The following POU6F2 variants were observed in gnomAD, a reference collection of about 807,000 sequenced individuals.
POU6F2 encodes POU domain, class 6, transcription factor 2.
POU6F2 carries 31 observed loss-of-function variants against 71.3 expected under a neutral mutation model. The ratio of observed to expected loss-of-function variants is 0.43; its 90% CI spans 0.33 to 0.59. POU6F2 has a LOEUF of 0.59. POU6F2 is among the 20% of genes least tolerant of loss of function. The probability of loss-of-function intolerance (pLI) is 0.04; values close to 1 mark genes in which losing one functional copy is unlikely to be tolerated. For missense variants in POU6F2, 783 were observed against 856.8 expected, an observed-to-expected ratio of 0.91 and a Z score of 1.07; for synonymous variants, 347 against 355.7, an observed-to-expected ratio of 0.98 and a Z score of 0.27.
chr7:39,378,105 TG>T (rs1268298981), intron 5 of POU6F2, among the ~76,000 whole-genome samples: 1 of 152,208 alleles, frequency 6.6e-6, no homozygotes, highest in Non-Finnish European at 1.5e-5. Flanking sequence ...CAGGTTTTGA[TG>T]GCATCTGAAG....
chr7:39,025,838 G>T (rs960036971), intron 1 of POU6F2, among the ~76,000 whole-genome samples: 3 of 151,220 alleles, frequency 2.0e-5, no homozygotes, highest in Admixed American at 2.0e-4. Context: ...GAAAATTTTC[G>T]CAACCTACTC....
intron 4 of POU6F2, among the ~76,000 whole-genome samples, chr7:39,323,271 A>T (rs941293796): frequency 6.6e-6 from 1 of 152,180 alleles, no homozygotes; most frequent in Non-Finnish European, 1.5e-5. Flanking sequence ...GCTGCCATGG[A>T]TCCCAGCAAG....
Position 39,170,161 on chromosome 7 carries a change from C to G in POU6F2, c.278-34074C>G, listed in dbSNP as rs557341367. On this transcript the variant is annotated intron_variant, in intron 2 of 9. Coordinates refer to ENST00000518318, the MANE Select transcript of POU6F2 (RefSeq NM_001370959.1). ...CCAGCCTGGGCAACAGAGCGAGATT[C>G]TGTCTCAAAAAATAATAATAATAAA... is the stretch of plus-strand genomic sequence containing the variant. Among the ~76,000 whole-genome samples, 5 of 152,204 alleles carry G rather than the reference C, an allele frequency of 3.3e-5. No homozygotes were observed. The South Asian group carries it at 1.0e-3, about 32-fold the overall frequency.
At chr7:39,240,687 A>G (rs1159412921) in intron 4 of POU6F2, among the ~76,000 whole-genome samples, 1 of 152,134 alleles carries the variant, frequency 6.6e-6, no homozygotes, top group African/African-American at 2.4e-5. Flanking sequence ...GGTACTAAAA[A>G]AGTATTGCTG....
intron 5 of POU6F2, among the ~76,000 whole-genome samples, chr7:39,345,099 A>G (rs1392167584): frequency 6.6e-6 from 1 of 152,250 alleles, no homozygotes; most frequent in Admixed American, 6.5e-5. Context: ...ATGCAGGATC[A>G]GTAACAGTAT....
At chr7:39,024,098 T>C (rs1487297553) in intron 1 of POU6F2, among the ~76,000 whole-genome samples, 1 of 152,202 alleles carries the variant, frequency 6.6e-6, no homozygotes, top group African/African-American at 2.4e-5. Flanking sequence ...CCTTGGGCAG[T>C]ATGGCCATTT....
At chr7:38,991,287 G>A (rs17176235) in intron 1 of POU6F2, among the ~76,000 whole-genome samples, 10,694 of 152,066 alleles carry the variant, frequency 0.07, 506 homozygotes, top group Admixed American at 0.13. Flanking sequence ...AGAGTTTCAA[G>A]GGACAATAAA....
intron 4 of POU6F2, 125 bp from the exon 5 acceptor site, chr7:39,339,517 T>A (rs1002416042): frequency 2.7e-5 from 36 of 1,339,814 alleles, no homozygotes; most frequent in Non-Finnish European, 3.6e-5. Flanking sequence ...CCAAAGAGCT[T>A]CAGGGGGCAA....
intron 4 of POU6F2, among the ~76,000 whole-genome samples, chr7:39,266,034 C>G (rs1784232365): frequency 6.6e-6 from 1 of 152,156 alleles, no homozygotes; most frequent in Non-Finnish European, 1.5e-5. Context: ...GGTCTGCCTT[C>G]TCCTCGGAAG....
intron 4 of POU6F2, among the ~76,000 whole-genome samples, chr7:39,262,781 C>T (rs911809203): frequency 2.6e-5 from 4 of 152,032 alleles, no homozygotes; most frequent in Non-Finnish European, 4.4e-5. Flanking sequence ...ATCACGGAGT[C>T]GGACTTTTTT....
rs149011774 is a variant in POU6F2 at position 39,346,233 on chromosome 7, C to T, written c.972+6218C>T. 5.2e-3 allele frequency among the ~76,000 whole-genome samples: 792 copies of T among 152,274 alleles called. 6 individuals carry two copies. The highest frequency in any genetic ancestry group is 0.016 in the African/African-American group (675 of 41,552). On this transcript the variant is annotated intron_variant, in intron 5 of 9. Coordinates refer to ENST00000518318, the MANE Select transcript of POU6F2 (RefSeq NM_001370959.1). ...AAAATTAGTTTACCAAGAATCTACT[C>T]ATATACTGTAGTGCTTCTTTGTCGT...
chr7:39,367,474 T>G (rs558885405), intron 5 of POU6F2, among the ~76,000 whole-genome samples: 2 of 152,262 alleles, frequency 1.3e-5, no homozygotes, highest in East Asian at 3.9e-4. Flanking sequence ...CCAGAAGAGG[T>G]AAGGGTTAAA....
chr7:39,248,139 C>A (rs1783852897), intron 4 of POU6F2, among the ~76,000 whole-genome samples: 1 of 152,092 alleles, frequency 6.6e-6, no homozygotes, highest in Non-Finnish European at 1.5e-5. Context: ...CATTACTACT[C>A]TGGGAGAAGT....
At chr7:39,144,417 A>G (rs532893807) in intron 2 of POU6F2, among the ~76,000 whole-genome samples, 1 of 152,324 alleles carries the variant, frequency 6.6e-6, no homozygotes, top group African/African-American at 2.4e-5. Flanking sequence ...CTTTGGAGCT[A>G]TATCTTAATT....
intron 2 of POU6F2, among the ~76,000 whole-genome samples, chr7:39,127,836 A>ATTTTTTTTTT (rs70977460): frequency 9.6e-6 from 1 of 104,172 alleles, no homozygotes; most frequent in Non-Finnish European, 1.9e-5. Flanking sequence ...AGCCAGTGGA[A>ATTTTTTTTTT]TTTTTTTTTT....
At chr7:39,178,350 T>A (rs1248737419) in intron 2 of POU6F2, among the ~76,000 whole-genome samples, 1 of 152,210 alleles carries the variant, frequency 6.6e-6, no homozygotes, top group Non-Finnish European at 1.5e-5. Context: ...CAAGAGTTTC[T>A]CTTCTATATG....
chr7:39,157,642 G>C (rs757520270), intron 2 of POU6F2, among the ~76,000 whole-genome samples: 20 of 152,140 alleles, frequency 1.3e-4, no homozygotes, highest in Non-Finnish European at 1.0e-4. Flanking sequence ...ACCGTATTAA[G>C]GTTTTGCCCT....
At chr7:39,076,174 CTCCCT>C (rs936673362) in intron 1 of POU6F2, among the ~76,000 whole-genome samples, 5 of 151,842 alleles carry the variant, frequency 3.3e-5, no homozygotes, top group African/African-American at 4.8e-5. Flanking sequence ...TCTCCCTTTT[CTCCCT>C]TCCCTTCCCT....
At chr7:39,330,723 T>C (rs1785626464) in intron 4 of POU6F2, among the ~76,000 whole-genome samples, 1 of 152,244 alleles carries the variant, frequency 6.6e-6, no homozygotes, top group Non-Finnish European at 1.5e-5. Flanking sequence ...ACATTGAAAT[T>C]GTACATATTT....
Sources: allele counts gnomAD v4.1 joint callset (sites outside exome capture counted in the v4.1 genomes callset), GRCh38; gene constraint gnomAD v4.1.1; transcripts MANE v1.5; gene names NCBI Gene and HGNC (gene_info 2026-07-23, HGNC 2026-07-21).